Variants in CCDC40 observed in about 807,000 individuals in gnomAD.
CCDC40 encodes coiled-coil domain-containing protein 40.
CCDC40 carries 104 observed loss-of-function variants against 124.5 expected under a neutral mutation model. That is an observed-to-expected ratio of 0.84 (90% CI 0.71 to 0.98). The LOEUF (loss-of-function observed/expected upper bound fraction) is 0.98, where lower values mean the gene tolerates loss of function less well. Ranked by LOEUF, CCDC40 falls within the 50% of genes least tolerant of loss-of-function variation. CCDC40 has a pLI of 0.00. For missense variants in CCDC40, 1,463 were observed against 1,503.9 expected, an observed-to-expected ratio of 0.97 and a Z score of 0.45; for synonymous variants, 580 against 602.9, an observed-to-expected ratio of 0.96 and a Z score of 0.56.
chr17:80,042,770 A>G (rs1042129317), intron 3 of CCDC40, among the ~76,000 whole-genome samples: 2 of 152,122 alleles, frequency 1.3e-5, no homozygotes, highest in African/African-American at 4.8e-5. Flanking sequence ...CTTTGACTGT[A>G]AAGTGCCATG....
intron 7 of CCDC40, among the ~76,000 whole-genome samples, chr17:80,050,727 A>G (rs1439144523): frequency 6.6e-6 from 1 of 152,240 alleles, no homozygotes; most frequent in Admixed American, 6.5e-5. Flanking sequence ...TACAGGCATG[A>G]GACACTGCAC....
rs1305164947 is a variant in CCDC40 at position 80,087,669 on chromosome 17, A to C, written c.2512A>C (p.Asn838His). Residue 838 changes from asparagine to histidine, a missense_variant, in exon 15 of 20, where the codon AAC (asparagine) becomes CAC (histidine). By Grantham distance (68) the Asn-to-His change is moderately conservative. Transcript: ENST00000397545. The surrounding 1 kb of genome is among the most constrained non-coding windows in gnomAD (Gnocchi z 4.5). ...CGAGCACCACATGAAGGACCTGGAC[A>C]ACGACCTGAAGAAGCTCAACATGTT... Reference protein sequence around the residue: ...EIEHHMKDLDNDLKKLNMLMN... With the variant: ...EIEHHMKDLDHDLKKLNMLMN... 6.2e-7 allele frequency: 1 copy of C among 1,613,874 alleles called. No individual in the cohort carries two copies. The highest frequency in any genetic ancestry group is 1.3e-5 in the African/African-American group (1 of 74,938).
chr17:80,095,239 C>G, intron 17 of CCDC40, 24 bp from the exon 18 acceptor site: 1 of 1,612,336 alleles, frequency 6.2e-7, no homozygotes, highest in Non-Finnish European at 8.5e-7. Context: ...GCCCCAGCCC[C>G]AGCCCCTCTG....
chr17:80,076,038 A>G (rs2038302939), intron 10 of CCDC40, among the ~76,000 whole-genome samples: 1 of 152,206 alleles, frequency 6.6e-6, no homozygotes, highest in Non-Finnish European at 1.5e-5. Flanking sequence ...TTGAGGTGGA[A>G]TCTGCTCCTG....
intron 3 of CCDC40, among the ~76,000 whole-genome samples, chr17:80,044,704 A>T (rs1283319506): frequency 0.017 from 624 of 37,048 alleles, 11 homozygotes; most frequent in African/African-American, 0.046. Flanking sequence ...AAAACAAACA[A>T]ACAAAAAAAA....
Position 80,090,398 on chromosome 17 carries a change from GAACAACA to G in CCDC40, c.2832+515_2832+521del, listed in dbSNP as rs759312202. On this transcript the variant is annotated intron_variant, in intron 17 of 19. Transcript: ENST00000397545. ...CACAGGACACACACAGCACGTGCAT[GAACAACA>G]CAGGACACACACAGCACGTGCATGA... The G allele has an allele frequency of 2.1e-4, 165 of 785,992 alleles. 10 individuals carry two copies. Among genetic ancestry groups the G allele is most frequent in the East Asian group, 3.5e-4 (8 of 22,786 alleles). 48.7% of individuals were successfully genotyped at this position (785,992 alleles called of 1,614,324 possible). A position where few individuals can be genotyped will look rare whatever the true frequency, so the allele number is the denominator to read the frequency against.
Position 80,075,275 on chromosome 17 carries a change from C to CT in CCDC40, c.1563-6252dup, listed in dbSNP as rs71163915. Among the ~76,000 whole-genome samples the CT allele has an allele frequency of 2.8e-3, 303 of 107,396 alleles. 5 individuals carry two copies. The highest frequency in any genetic ancestry group is 5.7e-3 in the East Asian group (22 of 3,854). 70.5% of individuals were successfully genotyped at this position (107,396 alleles called of 152,430 possible). ...CCACCGTGCCTGGCCCAAAATATTA[C>CT]TTTTTTTTTTTTTTTTTTTGAGGTG... On this transcript the variant is annotated intron_variant, in intron 10 of 19. Transcript: ENST00000397545.
At chr17:80,057,038 C>CAAAA (rs34229653) in intron 7 of CCDC40, among the ~76,000 whole-genome samples, 2 of 110,072 alleles carry the variant, frequency 1.8e-5, no homozygotes, top group African/African-American at 3.3e-5. Context: ...GACTCTGTCT[C>CAAAA]AAAAAAAAAA....
chr17:80,042,783 T>G (rs1201513026), intron 3 of CCDC40, among the ~76,000 whole-genome samples: 1 of 152,152 alleles, frequency 6.6e-6, no homozygotes, highest in Non-Finnish European at 1.5e-5. Context: ...GTGCCATGTT[T>G]GCTGTGGGTG....
At chr17:80,083,942 A>G (rs942868309) in intron 12 of CCDC40, among the ~76,000 whole-genome samples, 1 of 152,266 alleles carries the variant, frequency 6.6e-6, no homozygotes, top group African/African-American at 2.4e-5. Flanking sequence ...CAGATTAAAA[A>G]GCAGGTTAGC....
Position 80,090,321 on chromosome 17 carries a change from ACGCGCGCAGGCACGTGCACGAACAAGGG to A in CCDC40, c.2832+438_2832+465del. On this transcript the variant is annotated intron_variant, in intron 17 of 19. Coordinates refer to ENST00000397545, the MANE Select transcript of CCDC40 (RefSeq NM_017950.4). ...CAGGCACGTGCACGAACAACACGGG[ACGCGCGCAGGCACGTGCACGAACAAGGG>A]ACGCGCGCAGGCACGTGCACGAACA... is the stretch of plus-strand genomic sequence containing the variant. 6 of 663,254 alleles carry A rather than the reference ACGCGCGCAGGCACGTGCACGAACAAGGG, an allele frequency of 9.0e-6. 1 individual carries two copies. Among genetic ancestry groups the A allele is most frequent in the South Asian group, 5.1e-5 (2 of 38,906 alleles). The allele number at this position is 663,254 out of a possible 1,614,324, so 41.1% of individuals were successfully genotyped here.
rs1233989916 is a variant in CCDC40, at chr17:80,050,201, C to T, written c.1077C>T (p.Arg359=). 6.2e-7 allele frequency: 1 copy of T among 1,611,338 alleles called. No individual in the cohort carries two copies. Among genetic ancestry groups the T allele is most frequent in the Non-Finnish European group, 8.5e-7 (1 of 1,179,480 alleles). ...HDRHAMASSE[R]RQKEEELQAA... ...GCCACGCAATGGCCTCGAGCGAGCG[C>T]AGGCAGAAGGAGGAGGAGCTGCAGG... is the stretch of plus-strand genomic sequence containing the variant. The change falls in exon 7 of 20, where the codon CGC becomes CGT. Residue 359 remains arginine, a synonymous_variant. Coordinates refer to ENST00000397545, the MANE Select transcript of CCDC40 (RefSeq NM_017950.4).
intron 10 of CCDC40, among the ~76,000 whole-genome samples, chr17:80,075,882 T>C (rs776896144): frequency 1.1e-4 from 17 of 152,148 alleles, no homozygotes; most frequent in Non-Finnish European, 2.5e-4. Context: ...CTTTGAGGGC[T>C]CAGGACTTCA....
chr17:80,099,915 C>A lies in CCDC40; in HGVS notation c.*140C>A. The A allele has an allele frequency of 2.2e-6, 2 of 906,002 alleles. No homozygotes were observed. Among genetic ancestry groups the A allele is most frequent in the Non-Finnish European group, 3.4e-6 (2 of 596,158 alleles). 56.1% of individuals were successfully genotyped at this position (906,002 alleles called of 1,614,324 possible). ...GCATCGTTTAAGAGAAATAAGCCAG[C>A]CCCACCCATAGGAATCTTTTTAGCC... On this transcript the variant is annotated 3_prime_UTR_variant, in exon 20 of 20. Transcript: ENST00000397545.
intron 7 of CCDC40, among the ~76,000 whole-genome samples, chr17:80,054,821 A>G (rs1364653096): frequency 6.6e-6 from 1 of 152,116 alleles, no homozygotes; most frequent in African/African-American, 2.4e-5. Context: ...TAAAAGTACA[A>G]AAAATTAGCC....
chr17:80,063,339 C>G (rs1208569521), intron 9 of CCDC40, among the ~76,000 whole-genome samples: 1 of 152,170 alleles, frequency 6.6e-6, no homozygotes, highest in East Asian at 1.9e-4. Flanking sequence ...CTTATTTGCA[C>G]ATTCTATTTG....
At chr17:80,090,529 G>A (rs1386163963) in intron 17 of CCDC40, 2 of 1,522,018 alleles carry the variant, frequency 1.3e-6, no homozygotes, top group Non-Finnish European at 1.8e-6. Flanking sequence ...CCTACTCCAT[G>A]TAATCACAGC....
chr17:80,056,003 TATATATATATATA>T (rs1568682648), intron 7 of CCDC40, among the ~76,000 whole-genome samples: 5 of 23,460 alleles, frequency 2.1e-4, no homozygotes, highest in Non-Finnish European at 2.8e-4. Flanking sequence ...TATATATATA[TATATATATATATA>T]TTTTTTTTTT....
chr17:80,058,690 A>G lies in CCDC40; in HGVS notation c.1317+39A>G, dbSNP rs767883312. 1 of 1,612,424 alleles carries G rather than the reference A, an allele frequency of 6.2e-7. No individual in the cohort carries two copies. The highest frequency in any genetic ancestry group is 1.7e-5 in the Admixed American group (1 of 60,002). ...TCGACACATGTTTAATGATCACCAG[A>G]CCGTGGAGCTTCAAAAAGGGGCTCA... is the stretch of plus-strand genomic sequence containing the variant. On this transcript the variant is annotated intron_variant, in intron 8 of 19. Coordinates refer to ENST00000397545, the MANE Select transcript of CCDC40 (RefSeq NM_017950.4). The surrounding 1 kb of genome is among the most constrained non-coding windows in gnomAD (Gnocchi z 4.2).
Sources: allele counts gnomAD v4.1 joint callset (sites outside exome capture counted in the v4.1 genomes callset), GRCh38; gene constraint gnomAD v4.1.1; non-coding constraint Gnocchi (gnomAD v3.1); transcripts MANE v1.5; gene names NCBI Gene and HGNC (gene_info 2026-07-23, HGNC 2026-07-21).